Variants in PTGDR observed in about 807,000 individuals in gnomAD.
PTGDR encodes the protein PGD2 receptor.
Under a neutral mutation model 17.4 loss-of-function variants are expected in PTGDR, and 19 were observed. The observed-to-expected ratio is 1.09, with a 90% CI of 0.76 to 1.60. The LOEUF (loss-of-function observed/expected upper bound fraction) is 1.60, where lower values mean the gene tolerates loss of function less well. PTGDR is among the 40% of genes most tolerant of loss of function. PTGDR has a pLI of 0.00. For missense variants in PTGDR, 526 were observed against 481.9 expected (o/e 1.09, Z -0.86); for synonymous variants, 267 against 224.2 (o/e 1.19, Z -1.71).
At chr14:52,276,766 G>T (rs990472607), downstream of PTGDR, 4 of 152,086 alleles carry the variant, frequency 2.6e-5, no homozygotes, top group Admixed American at 6.6e-5. Flanking sequence ...AAAGAAAAGG[G>T]CTTGGCTTTC....
In PTGDR at chr14:52,275,576, G is replaced by C. The variant is rs199709600; in HGVS notation, c.*612G>C. ...CCATCGGGGAGTACTTGCTGCCTCA[G>C]GTGGAGACCTGAAGCTGTAACTAGA... On this transcript the variant is annotated 3_prime_UTR_variant, in exon 2 of 2. Coordinates refer to ENST00000306051, the MANE Select transcript of PTGDR (RefSeq NM_000953.3). The C allele has an allele frequency of 1.3e-5, 2 of 152,482 alleles. No individual in the cohort carries two copies. Among genetic ancestry groups the C allele is most frequent in the Non-Finnish European group, 2.9e-5 (2 of 68,300 alleles). The allele number at this position is 152,482 out of a possible 1,614,324, so 9.4% of individuals were successfully genotyped here.
rs1048353340 is a variant in PTGDR at position 52,269,316 on chromosome 14, G to C, written c.846+656G>C. On this transcript the variant is annotated intron_variant, in intron 1 of 1. Transcript: ENST00000306051. ...GGCTCTTTGTATGTTTTAGCTGCTG[G>C]TGTCGTTTTGACAACCTGACTTGAC... The C allele has an allele frequency of 5.9e-6, 4 of 678,636 alleles. No homozygotes were observed. The East Asian group carries it at 1.1e-4, about 19-fold the overall frequency. 42.0% of individuals were successfully genotyped at this position (678,636 alleles called of 1,614,324 possible). A position where few individuals can be genotyped will look rare whatever the true frequency, so the allele number is the denominator to read the frequency against.
At chr14:52,276,948 C>A (rs41315114), downstream of PTGDR, among the ~76,000 whole-genome samples, 13,884 of 152,128 alleles carry the variant, frequency 0.091, 723 homozygotes, top group South Asian at 0.18. Context: ...CTTAGACTCA[C>A]CTAAGGACCT....
chr14:52,276,279 A>T lies in PTGDR; in HGVS notation c.*1315A>T, dbSNP rs1017872366. ...CTCTGGAGTTCCTTTGTATCTGACA[A>T]TCTCAGGACTCCAAGGTGCAAAGCC... is the stretch of plus-strand genomic sequence containing the variant. On this transcript the variant is annotated 3_prime_UTR_variant, in exon 2 of 2. Transcript: ENST00000306051. 3 of 152,126 alleles carry T rather than the reference A, an allele frequency of 2.0e-5. No individual in the cohort carries two copies. Among genetic ancestry groups the T allele is most frequent in the African/African-American group, 7.2e-5 (3 of 41,404 alleles). The allele number at this position is 152,126 out of a possible 1,614,324, so 9.4% of individuals were successfully genotyped here. A position where few individuals can be genotyped will look rare whatever the true frequency, so the allele number is the denominator to read the frequency against.
intron 1 of PTGDR, among the ~76,000 whole-genome samples, chr14:52,272,341 C>T (rs916680266): frequency 6.6e-6 from 1 of 152,072 alleles, no homozygotes; most frequent in African/African-American, 2.4e-5. Flanking sequence ...CGTGGTGACA[C>T]ATGCCTGTAG....
chr14:52,273,711 C>T (rs1170211302), intron 1 of PTGDR, among the ~76,000 whole-genome samples: 1 of 152,162 alleles, frequency 6.6e-6, no homozygotes, highest in Non-Finnish European at 1.5e-5. Context: ...CCAGGAGATG[C>T]TCTCTGATTG....
downstream of PTGDR, among the ~76,000 whole-genome samples, chr14:52,278,472 T>TG: frequency 6.6e-6 from 1 of 151,216 alleles, no homozygotes; most frequent in South Asian, 2.1e-4. Context: ...TGTTGTGGGG[T>TG]GGGGGGAGCT....
intron 1 of PTGDR, among the ~76,000 whole-genome samples, chr14:52,272,479 A>T (rs1308999674): frequency 6.6e-6 from 1 of 151,814 alleles, no homozygotes; most frequent in Non-Finnish European, 1.5e-5. Flanking sequence ...AAAAAAAAAA[A>T]AAATACATGG....
downstream of PTGDR, among the ~76,000 whole-genome samples, chr14:52,279,390 C>T (rs371619839): frequency 3.3e-5 from 5 of 152,136 alleles, no homozygotes; most frequent in South Asian, 2.1e-4. Context: ...AATAGCAACT[C>T]GTACATGATG....
intron 1 of PTGDR, among the ~76,000 whole-genome samples, chr14:52,269,134 C>T (rs760387265): frequency 3.0e-4 from 45 of 152,094 alleles, no homozygotes; most frequent in Non-Finnish European, 5.4e-4. Flanking sequence ...ATCTTCTCCC[C>T]GGTGTTGGCA....
rs1475675742 is a variant in PTGDR, at chr14:52,276,362, T to A, written c.*1398T>A. 1 of 152,148 alleles carries A rather than the reference T, an allele frequency of 6.6e-6. No individual in the cohort carries two copies. The highest frequency in any genetic ancestry group is 1.5e-5 in the Non-Finnish European group (1 of 68,022). The allele number at this position is 152,148 out of a possible 1,614,324, so 9.4% of individuals were successfully genotyped here. A position where few individuals can be genotyped will look rare whatever the true frequency, so the allele number is the denominator to read the frequency against. Reference sequence around the variant, plus strand: ...CAGAAGTCCCTTCCAAATATAAGAGTACTCATGTTTATTTATTTCCAACTG... The same window carrying A: ...CAGAAGTCCCTTCCAAATATAAGAGAACTCATGTTTATTTATTTCCAACTG... On this transcript the variant is annotated 3_prime_UTR_variant, in exon 2 of 2. Transcript: ENST00000306051.
chr14:52,276,893 T>C (rs2033436123), downstream of PTGDR, among the ~76,000 whole-genome samples: 2 of 152,198 alleles, frequency 1.3e-5, no homozygotes, highest in South Asian at 4.1e-4. Flanking sequence ...TTACTTTACT[T>C]ACATTTCATT....
chr14:52,275,044 A>G lies in PTGDR; in HGVS notation c.*80A>G. The G allele has an allele frequency of 1.7e-6, 2 of 1,157,226 alleles. No homozygotes were observed. The highest frequency in any genetic ancestry group is 5.1e-5 in the East Asian group (2 of 38,914). 71.7% of individuals were successfully genotyped at this position (1,157,226 alleles called of 1,614,324 possible). On this transcript the variant is annotated 3_prime_UTR_variant, in exon 2 of 2. Transcript: ENST00000306051. ...AACCATGATTAAAAAAAAAAAGACA[A>G]CTTACAATTTAAATCCTTAAAAGTT...
downstream of PTGDR, among the ~76,000 whole-genome samples, chr14:52,277,280 G>C (rs1012679249): frequency 1.1e-4 from 17 of 152,260 alleles, no homozygotes; most frequent in Admixed American, 1.0e-3. Context: ...CCACGTGTAG[G>C]GTTGTCAGGA....
intron 1 of PTGDR, among the ~76,000 whole-genome samples, chr14:52,272,998 TG>T (rs2033350059): frequency 6.6e-6 from 1 of 152,128 alleles, no homozygotes; most frequent in South Asian, 2.1e-4. Flanking sequence ...AAAAATGATT[TG>T]GGTGAAAATA....
At chr14:52,274,148 G>A (rs41312492) in intron 1 of PTGDR, among the ~76,000 whole-genome samples, 12,485 of 152,072 alleles carry the variant, frequency 0.082, 569 homozygotes, top group South Asian at 0.16. Context: ...ATTTACATGA[G>A]TTGAACAGTA....
Position 52,267,898 on chromosome 14 carries a change from C to A in PTGDR, c.84C>A (p.Ser28Arg), listed in dbSNP as rs1484602580. 6.2e-7 allele frequency: 1 copy of A among 1,609,780 alleles called. No individual in the cohort carries two copies. The highest frequency in any genetic ancestry group is 1.3e-5 in the African/African-American group (1 of 74,860). ...CGGTGATGGGCGGGGTGCTCTTCAG[C>A]ACCGGCCTCCTGGGCAACCTGCTGG... The part of the protein sequence containing the change: ...NSAVMGGVLF[S>R]TGLLGNLLAL... Residue 28 changes from serine to arginine, a missense_variant, in exon 1 of 2, where the codon AGC becomes AGA. Physicochemically the swap from Ser to Arg is moderately radical, Grantham distance 110. Transcript: ENST00000306051.
downstream of PTGDR, among the ~76,000 whole-genome samples, chr14:52,280,232 A>G (rs572043780): frequency 6.6e-6 from 1 of 152,342 alleles, no homozygotes; most frequent in African/African-American, 2.4e-5. Flanking sequence ...TATGGAAACA[A>G]TAACTGTCAT....
At chr14:52,268,802 C>A (rs1036968147) in intron 1 of PTGDR, 142 bp downstream of exon 1, 2 of 893,434 alleles carry the variant, frequency 2.2e-6, no homozygotes, top group Non-Finnish European at 3.4e-6. Context: ...CTGAGTTCCC[C>A]AAATTGGATT....
Sources: gnomAD v4.1 joint callset for allele counts (sites outside exome capture counted in the v4.1 genomes callset) on GRCh38, gnomAD v4.1.1 for gene constraint, MANE v1.5 for transcripts, NCBI Gene and HGNC (gene_info 2026-07-23, HGNC 2026-07-21) for gene names.